The following TBL1X variants were observed in gnomAD, a reference collection of about 807,000 sequenced individuals.
TBL1X encodes the protein transducin beta like 1 X-linked.
In TBL1X, 10 loss-of-function variants were observed where a neutral mutation model predicts 50.7. That is an observed-to-expected ratio of 0.20 (90% CI 0.12 to 0.33). TBL1X has a LOEUF of 0.33. Ranked by LOEUF, TBL1X falls within the 10% of genes least tolerant of loss-of-function variation. The pLI, the probability that TBL1X is intolerant of heterozygous loss-of-function variation, is 1.00. For synonymous variants in TBL1X, 190 were observed against 214.7 expected, an observed-to-expected ratio of 0.88 and a Z score of 1.01; for missense variants, 340 against 504.4, an observed-to-expected ratio of 0.67 and a Z score of 3.12.
chrX:9,629,405 A>T (rs996777110), intron 2 of TBL1X, among the ~76,000 whole-genome samples: 3 of 112,283 alleles, frequency 2.7e-5, no homozygotes, highest in African/African-American at 9.7e-5. Context: ...CCACTGCTCC[A>T]TGGTTCTGGA....
chrX:9,499,172 A>G (rs1366268144), intron 1 of TBL1X, among the ~76,000 whole-genome samples: 4 of 111,594 alleles, frequency 3.6e-5, no homozygotes, highest in Non-Finnish European at 7.5e-5. Context: ...CTGCCCTTTC[A>G]TGGTCGGGTG....
chrX:9,475,027 C>T (rs1034287739), intron 1 of TBL1X, among the ~76,000 whole-genome samples: 6 of 111,329 alleles, frequency 5.4e-5, no homozygotes, highest in African/African-American at 1.6e-4. Flanking sequence ...GCGCCTGCCA[C>T]TGCACCCGGC....
intron 1 of TBL1X, among the ~76,000 whole-genome samples, chrX:9,484,028 CTTTG>C (rs1324856099): frequency 8.9e-6 from 1 of 111,943 alleles, no homozygotes. Flanking sequence ...TTTTTTATTT[CTTTG>C]TTTGTTTACA....
At chrX:9,608,736 A>G (rs2082596825) in intron 2 of TBL1X, among the ~76,000 whole-genome samples, 1 of 112,293 alleles carries the variant, frequency 8.9e-6, no homozygotes, top group Non-Finnish European at 1.9e-5. Context: ...ATAATATTCA[A>G]TTACTTTTCG....
At chrX:9,691,838 C>T in intron 8 of TBL1X, 127 bp downstream of exon 8, 1 of 958,905 alleles carries the variant, frequency 1.0e-6, no homozygotes, top group Non-Finnish European at 1.4e-6. Flanking sequence ...GTGGGCAGAC[C>T]AAGGAATGGG....
At chrX:9,547,333 A>G (rs1327826895) in intron 2 of TBL1X, among the ~76,000 whole-genome samples, 4 of 107,595 alleles carry the variant, frequency 3.7e-5, no homozygotes, top group African/African-American at 1.4e-4. Flanking sequence ...TGTTGTTTTT[A>G]TTTTGAGACA....
At chrX:9,503,029 G>A (rs189258182) in intron 2 of TBL1X, among the ~76,000 whole-genome samples, 8 of 112,801 alleles carry the variant, frequency 7.1e-5, no homozygotes, top group South Asian at 3.7e-4. Flanking sequence ...GGCCAAGATG[G>A]CCAACTAGAA....
At chrX:9,588,544 A>G (rs1303984275) in intron 2 of TBL1X, among the ~76,000 whole-genome samples, 2 of 111,086 alleles carry the variant, frequency 1.8e-5, no homozygotes, top group Non-Finnish European at 3.8e-5. Context: ...TCCATACATT[A>G]CTGATCCTGT....
At chrX:9,616,630 A>G (rs1465577137) in intron 2 of TBL1X, among the ~76,000 whole-genome samples, 1 of 112,346 alleles carries the variant, frequency 8.9e-6, no homozygotes, top group Non-Finnish European at 1.9e-5. Flanking sequence ...TTTTAATAAC[A>G]CGTTCTGACC....
At chrX:9,550,369 A>G (rs2082264896) in intron 2 of TBL1X, among the ~76,000 whole-genome samples, 1 of 112,415 alleles carries the variant, frequency 8.9e-6, no homozygotes, top group Admixed American at 9.4e-5. Flanking sequence ...TCATTCAAAA[A>G]TGATATTTAC....
chrX:9,489,235 A>G (rs1442448893), intron 1 of TBL1X, among the ~76,000 whole-genome samples: 3 of 110,190 alleles, frequency 2.7e-5, no homozygotes, highest in African/African-American at 9.9e-5. Flanking sequence ...CCTGGCTTCC[A>G]GGACTTTGCA....
Position 9,659,839 on chromosome X carries a change from G to A in TBL1X, c.211+5517G>A, listed in dbSNP as rs150959331. ...TTAGCTCTGGCGTATATATCTGCAG[G>A]ACGCTCATGAAGTGTGATTCTTCCT... is the stretch of plus-strand genomic sequence containing the variant. On this transcript the variant is annotated intron_variant, in intron 5 of 17. Transcript: ENST00000645353. 5.8e-4 allele frequency among the ~76,000 whole-genome samples: 65 copies of A among 112,304 alleles called. No individual in the cohort carries two copies. In the East Asian group the frequency reaches 0.017, roughly 29 times the overall value.
intron 12 of TBL1X, among the ~76,000 whole-genome samples, chrX:9,702,913 A>G (rs909728187): frequency 3.6e-5 from 4 of 111,468 alleles, no homozygotes; most frequent in Non-Finnish European, 7.5e-5. Flanking sequence ...AGTAATTTCC[A>G]TGGGCTTGCA....
intron 1 of TBL1X, among the ~76,000 whole-genome samples, chrX:9,497,869 C>T (rs2081980577): frequency 1.0e-5 from 1 of 98,184 alleles, no homozygotes; most frequent in African/African-American, 3.7e-5. Context: ...CCCTCTCTCT[C>T]CCTCTCCCTC....
chrX:9,650,549 C>T (rs1391986625), intron 3 of TBL1X, among the ~76,000 whole-genome samples: 1 of 111,624 alleles, frequency 9.0e-6, no homozygotes, highest in Non-Finnish European at 1.9e-5. Context: ...GGCACCGTGC[C>T]CTGCCTCCCA....
Position 9,688,081 on chromosome X carries a change from A to T in TBL1X, c.422A>T (p.Asp141Val). 1 of 1,211,399 alleles carries T rather than the reference A, an allele frequency of 8.3e-7. No homozygotes were observed. Among genetic ancestry groups the T allele is most frequent in the Non-Finnish European group, 1.1e-6 (1 of 895,290 alleles). Residue 141 changes from aspartate (D) to valine (V), a missense_variant, in exon 7 of 18, where the codon GAC becomes GTC. This residue lies in a region of TBL1X where 99 missense variants were observed against 93.3 expected (regional missense o/e 1.06). Transcript: ENST00000645353. ...TCACTGATAGACGCCGTGATGCCCG[A>T]CGTGGTGCAGACGCGGCAGCAGGCA... The part of the protein sequence containing the change: ...SLSLIDAVMP[D>V]VVQTRQQAFR...
chrX:9,502,116 A>G (rs1475474417), intron 2 of TBL1X, among the ~76,000 whole-genome samples: 1 of 113,078 alleles, frequency 8.8e-6, no homozygotes, highest in African/African-American at 3.2e-5. Context: ...ACTTAGTTCA[A>G]AAAGAAAGAA....
intron 1 of TBL1X, among the ~76,000 whole-genome samples, chrX:9,488,558 G>T (rs180819133): frequency 8.9e-6 from 1 of 112,047 alleles, no homozygotes; most frequent in East Asian, 2.8e-4. Flanking sequence ...CATCTCAAGA[G>T]ACTTAATTTA....
intron 2 of TBL1X, among the ~76,000 whole-genome samples, chrX:9,589,312 G>A (rs760776857): frequency 1.8e-5 from 2 of 109,612 alleles, no homozygotes; most frequent in South Asian, 4.1e-4. Flanking sequence ...AAGTCAAGAT[G>A]GGGGCAGGGT....
Sources: allele counts gnomAD v4.1 joint callset (sites outside exome capture counted in the v4.1 genomes callset), GRCh38; gene constraint gnomAD v4.1.1; regional missense constraint gnomAD v4.1.1; transcripts MANE v1.5; gene names NCBI Gene and HGNC (gene_info 2026-07-23, HGNC 2026-07-21).